Variants in AZIN2 observed in about 807,000 individuals in gnomAD.
The protein encoded by AZIN2 is antizyme inhibitor 2.
A neutral mutation model predicts 47.8 loss-of-function variants in AZIN2; 28 were observed. That is an observed-to-expected ratio of 0.59 (90% CI 0.43 to 0.80). The LOEUF (loss-of-function observed/expected upper bound fraction) is 0.80. AZIN2 is among the 30% of genes least tolerant of loss of function. AZIN2 has a pLI of 0.00. For synonymous variants in AZIN2, 221 were observed against 239.4 expected (o/e 0.92, Z 0.71); for missense variants, 535 against 582.5 (o/e 0.92, Z 0.84).
the AZIN2 span, chr1:33,147,026 C>T: frequency 2.6e-6 from 2 of 755,722 alleles, no homozygotes. The surrounding 1 kb of genome is among the most constrained non-coding windows in gnomAD (Gnocchi z 8.1). Context: ...GGAATGCAAC[C>T]TCCATTTTAC....
Position 33,122,607 on chromosome 1 carries a change from G to A in AZIN2, c.*2425G>A, listed in dbSNP as rs1456107975. 2.6e-5 allele frequency among the ~76,000 whole-genome samples: 4 copies of A among 152,156 alleles called. No homozygotes were observed. The highest frequency in any genetic ancestry group is 5.9e-5 in the Non-Finnish European group (4 of 68,036). ...GGGTCTCCTGGACCCCTGGCTGCATGGGCACTGCCTCCTCCAAGCTCCCTG... is the reference window on the plus strand; with the variant it reads ...GGGTCTCCTGGACCCCTGGCTGCATAGGCACTGCCTCCTCCAAGCTCCCTG... On this transcript the variant is annotated 3_prime_UTR_variant, in exon 12 of 12. Coordinates refer to ENST00000294517, the MANE Select transcript of AZIN2 (RefSeq NM_052998.4).
chr1:33,098,069 G>A lies in AZIN2; in HGVS notation c.919G>A (p.Glu307Lys), dbSNP rs1643346644. The A allele has an allele frequency of 6.2e-7, 1 of 1,612,538 alleles. No homozygotes were observed. The highest frequency in any genetic ancestry group is 1.3e-5 in the African/African-American group (1 of 74,998). Residue 307 changes from glutamate to lysine, a missense_variant and splice_region_variant, in exon 10 of 12, where the codon GAA (glutamate) becomes AAA (lysine). Coordinates refer to ENST00000294517, the MANE Select transcript of AZIN2 (RefSeq NM_052998.4). ...VLLDQPGREE[E>K]NGSTSKTIVY... ...CTCTGAACCCTCCCCTCCTGCAGAG[G>A]AAAATGGTTCCACCTCCAAGACCAT...
chr1:33,084,180 A>T, intron 5 of AZIN2, 53 bp downstream of exon 5: 1 of 1,592,478 alleles, frequency 6.3e-7, no homozygotes, highest in Non-Finnish European at 8.5e-7. Flanking sequence ...GAACACACAC[A>T]TGGCCAGGCT....
rs1322512403 is a variant in AZIN2 at position 33,098,189 on chromosome 1, C to T, written c.1029+10C>T. The T allele has an allele frequency of 4.4e-6, 7 of 1,586,852 alleles. 1 individual carries two copies. Among genetic ancestry groups the T allele is most frequent in the Middle Eastern group, 1.7e-4 (1 of 5,972 alleles). ...CCCCATCCTGCAGAAGGTGAGCTTA[C>T]CCCACGTGGGCCTGTTTTCAGTTGT... On this transcript the variant is annotated intron_variant, in intron 10 of 11. Transcript: ENST00000294517.
chr1:33,091,351 T>A (rs1642528514), intron 5 of AZIN2, among the ~76,000 whole-genome samples: 2 of 152,188 alleles, frequency 1.3e-5, no homozygotes, highest in African/African-American at 4.8e-5. Context: ...GTGAGTCTCC[T>A]GCCTCAGCCT....
At chr1:33,135,015 C>T in the AZIN2 span, among the ~76,000 whole-genome samples, 3 of 152,270 alleles carry the variant, frequency 2.0e-5, no homozygotes, top group East Asian at 5.8e-4. Context: ...ATCTGGGCGC[C>T]GTGGCTCATG....
chr1:33,164,102 G>A, the AZIN2 span: 1 of 152,314 alleles, frequency 6.6e-6, no homozygotes, highest in African/African-American at 2.4e-5. Context: ...GACAGTTGGG[G>A]AAACTGAGGC....
the AZIN2 span, chr1:33,147,632 G>A: frequency 6.2e-7 from 1 of 1,613,926 alleles, no homozygotes; most frequent in Non-Finnish European, 8.5e-7. This position sits in a 1 kb window ranked among gnomAD's most constrained non-coding sequence, Gnocchi z 8.1. Context: ...TGCAGTGGCT[G>A]TGGGTGCAAG....
chr1:33,146,041 C>G, the AZIN2 span: 3 of 379,126 alleles, frequency 7.9e-6, no homozygotes, highest in Non-Finnish European at 1.6e-5. Flanking sequence ...GTTCTGCAGT[C>G]AGCAGCTTTC....
At chr1:33,091,645 C>T (rs564341633) in intron 5 of AZIN2, among the ~76,000 whole-genome samples, 13 of 152,272 alleles carry the variant, frequency 8.5e-5, no homozygotes, top group African/African-American at 3.1e-4. Flanking sequence ...GTCAGGGCTA[C>T]CATGAGTCCA....
chr1:33,099,568 C>A (rs893723045), intron 10 of AZIN2, among the ~76,000 whole-genome samples: 2 of 152,208 alleles, frequency 1.3e-5, no homozygotes, highest in African/African-American at 4.8e-5. Context: ...GGCTCTCACC[C>A]ACTCCACTCC....
downstream of AZIN2, among the ~76,000 whole-genome samples, chr1:33,124,533 T>TA (rs1644843533): frequency 6.6e-6 from 1 of 152,174 alleles, no homozygotes; most frequent in African/African-American, 2.4e-5. The surrounding 1 kb of genome is among the most constrained non-coding windows in gnomAD (Gnocchi z 4.6). Context: ...CTTTTTTTTT[T>TA]ATTATACTTT....
chr1:33,123,827 T>C (rs191858662), downstream of AZIN2, among the ~76,000 whole-genome samples: 2 of 152,246 alleles, frequency 1.3e-5, no homozygotes, highest in Admixed American at 6.5e-5. Flanking sequence ...TGAAACCCCG[T>C]CTCTACTAAA....
Position 33,113,655 on chromosome 1 carries a change from C to T in AZIN2, c.1030-4247C>T, listed in dbSNP as rs957563937. ...GTTTGAGACCTGGCTCTGCCATAGA[C>T]CAGCTGAGTAACCTTAGGCAAAGCA... is the stretch of plus-strand genomic sequence containing the variant. On this transcript the variant is annotated intron_variant, in intron 10 of 11. Coordinates refer to ENST00000294517, the MANE Select transcript of AZIN2 (RefSeq NM_052998.4). The surrounding 1 kb of genome is among the most constrained non-coding windows in gnomAD (Gnocchi z 4.1). Among the ~76,000 whole-genome samples the T allele has an allele frequency of 3.3e-5, 5 of 152,164 alleles. No homozygotes were observed. The highest frequency in any genetic ancestry group is 7.3e-5 in the Non-Finnish European group (5 of 68,042).
the AZIN2 span, chr1:33,147,264 G>A: frequency 6.2e-7 from 1 of 1,614,040 alleles, no homozygotes; most frequent in African/African-American, 1.3e-5. The surrounding 1 kb of genome is among the most constrained non-coding windows in gnomAD (Gnocchi z 8.1). Context: ...AGCAGAGCTT[G>A]CCAGGGAACT....
chr1:33,132,495 A>G, the AZIN2 span, among the ~76,000 whole-genome samples: 12 of 152,056 alleles, frequency 7.9e-5, no homozygotes, highest in Admixed American at 7.2e-4. Context: ...TGCCTGGACT[A>G]TCCTTTCACT....
At chr1:33,136,035 G>A in the AZIN2 span, among the ~76,000 whole-genome samples, 9 of 150,920 alleles carry the variant, frequency 6.0e-5, no homozygotes, top group Non-Finnish European at 1.2e-4. Flanking sequence ...AAGCTTGTCT[G>A]AGCAAACATG....
At chr1:33,164,306 C>T in the AZIN2 span, 2 of 152,274 alleles carry the variant, frequency 1.3e-5, no homozygotes, top group Non-Finnish European at 2.9e-5. Flanking sequence ...CCAGGATGAC[C>T]TCCAGAGGCC....
downstream of AZIN2, among the ~76,000 whole-genome samples, chr1:33,123,664 A>G (rs1644834569): frequency 6.6e-6 from 1 of 152,176 alleles, no homozygotes; most frequent in East Asian, 1.9e-4. Context: ...GGAGTTTGAG[A>G]CCACCCTGGC....
Sources: gnomAD v4.1 joint callset for allele counts (sites outside exome capture counted in the v4.1 genomes callset) on GRCh38, gnomAD v4.1.1 for gene constraint, Gnocchi (gnomAD v3.1) non-coding constraint, MANE v1.5 for transcripts, NCBI Gene and HGNC (gene_info 2026-07-23, HGNC 2026-07-21) for gene names.